The following SCN2A variants were observed in gnomAD, a reference collection of about 807,000 sequenced individuals.
SCN2A encodes the protein sodium voltage-gated channel alpha subunit 2.
A neutral mutation model predicts 188.7 loss-of-function variants in SCN2A; 20 were observed. That is an observed-to-expected ratio of 0.11 (90% CI 0.07 to 0.15). SCN2A has a LOEUF of 0.15. SCN2A is among the 10% of genes least tolerant of loss of function. SCN2A has a pLI of 1.00. For missense variants in SCN2A, 1,278 were observed against 2,445.0 expected (o/e 0.52, Z 10.07); for synonymous variants, 804 against 833.1 (o/e 0.97, Z 0.60).
rs140671638 is a variant in SCN2A at position 165,243,327 on chromosome 2, G to A, written c.-52+3687G>A. 1.1e-4 allele frequency among the ~76,000 whole-genome samples: 17 copies of A among 152,184 alleles called. No homozygotes were observed. In the East Asian group the frequency reaches 2.7e-3, roughly 24 times the overall value. Reference sequence around the variant, plus strand: ...TAGAGAGAGTCAATGTCATGGCCGGGTGCAGTGACTTATGCCTTTACTCCC... The same window carrying A: ...TAGAGAGAGTCAATGTCATGGCCGGATGCAGTGACTTATGCCTTTACTCCC... On this transcript the variant is annotated intron_variant, in intron 1 of 26. Transcript: ENST00000375437.
chr2:165,344,237 A>C (rs556300099), intron 15 of SCN2A, among the ~76,000 whole-genome samples: 18 of 152,210 alleles, frequency 1.2e-4, no homozygotes, highest in Admixed American at 9.2e-4. Context: ...AGTATGGACC[A>C]TTTCAAAATG....
chr2:165,250,414 A>G (rs529138978), intron 1 of SCN2A, among the ~76,000 whole-genome samples: 1 of 152,064 alleles, frequency 6.6e-6, no homozygotes, highest in African/African-American at 2.4e-5. Flanking sequence ...TGATATGGAT[A>G]TAGTATATAG....
At chr2:165,256,878 A>G (rs1694350836) in intron 1 of SCN2A, among the ~76,000 whole-genome samples, 1 of 152,224 alleles carries the variant, frequency 6.6e-6, no homozygotes, top group South Asian at 2.1e-4. Context: ...ATTCTATCAA[A>G]TATTGCTTAT....
chr2:165,265,504 TATATATATATA>T (rs1444475602), intron 1 of SCN2A, among the ~76,000 whole-genome samples: 9 of 129,502 alleles, frequency 6.9e-5, no homozygotes, highest in African/African-American at 1.7e-4. Flanking sequence ...TATATATATA[TATATATATATA>T]TTGCTGTGCA....
At chr2:165,290,149 A>G (rs1258761599) in intron 1 of SCN2A, among the ~76,000 whole-genome samples, 2 of 152,122 alleles carry the variant, frequency 1.3e-5, no homozygotes, top group African/African-American at 4.8e-5. Flanking sequence ...AATACATATA[A>G]CATATACTGA....
chr2:165,277,860 T>C (rs1403840660), intron 1 of SCN2A, among the ~76,000 whole-genome samples: 1 of 152,240 alleles, frequency 6.6e-6, no homozygotes, highest in Non-Finnish European at 1.5e-5. Context: ...ATTTGAAATC[T>C]TCTGTTATTC....
At chr2:165,266,460 G>C (rs986872289) in intron 1 of SCN2A, 2 of 152,076 alleles carry the variant, frequency 1.3e-5, no homozygotes, top group Non-Finnish European at 2.9e-5. Flanking sequence ...AGATGAGTAA[G>C]GGCCGGGAAA....
At chr2:165,353,402 A>T (rs1700029050) in intron 16 of SCN2A, among the ~76,000 whole-genome samples, 2 of 152,206 alleles carry the variant, frequency 1.3e-5, no homozygotes. Flanking sequence ...ATATATTGGG[A>T]TAATTGTTGA....
chr2:165,350,533 C>T (rs1213167756), intron 16 of SCN2A, among the ~76,000 whole-genome samples: 1 of 123,438 alleles, frequency 8.1e-6, no homozygotes, highest in African/African-American at 3.1e-5. Flanking sequence ...AGTGCAGTGG[C>T]GGGATCTCGG....
In SCN2A at chr2:165,388,519, A is replaced by G; in HGVS notation, c.4823-110A>G. On this transcript the variant is annotated intron_variant, in intron 26 of 26. Transcript: ENST00000375437. ...CATTGCAGATTATTTGCATATATACATGTACCTAACTGTCCTGTTCACATT... is the reference window on the plus strand; with the variant it reads ...CATTGCAGATTATTTGCATATATACGTGTACCTAACTGTCCTGTTCACATT... The G allele has an allele frequency of 1.4e-6, 2 of 1,429,984 alleles. 1 individual carries two copies. The highest frequency in any genetic ancestry group is 2.5e-5 in the South Asian group (2 of 80,516). The allele number at this position is 1,429,984 out of a possible 1,614,324, so 88.6% of individuals were successfully genotyped here. A position where few individuals can be genotyped will look rare whatever the true frequency, so the allele number is the denominator to read the frequency against.
At position 165,329,605 on chromosome 2, in the gene SCN2A, A is replaced by C. The variant is rs1486704298; in HGVS notation, c.2150-1725A>C. ...CATTTTTTAAACTTTTCTCCAGTTT[A>C]TTTTTTTTCTATCCAGTTCCTGTTT... On this transcript the variant is annotated intron_variant, in intron 13 of 26. Transcript: ENST00000375437. Among the ~76,000 whole-genome samples the C allele has an allele frequency of 2.0e-5, 3 of 151,996 alleles. No homozygotes were observed. In the South Asian group the frequency reaches 6.2e-4, roughly 32 times the overall value.
chr2:165,284,855 G>C (rs956077031), intron 1 of SCN2A, among the ~76,000 whole-genome samples: 1 of 152,178 alleles, frequency 6.6e-6, no homozygotes, highest in African/African-American at 2.4e-5. Flanking sequence ...TCCTGCTGAT[G>C]AGCCATTTAG....
chr2:165,281,222 A>G (rs1427275580), intron 1 of SCN2A, among the ~76,000 whole-genome samples: 2 of 152,158 alleles, frequency 1.3e-5, no homozygotes, highest in Admixed American at 6.5e-5. Flanking sequence ...CTCTAAAAAA[A>G]TAGATATTTT....
chr2:165,375,002 A>T (rs1438798620), intron 22 of SCN2A, 36 bp downstream of exon 22: 2 of 1,583,660 alleles, frequency 1.3e-6, no homozygotes. Context: ...ATGATGTGTA[A>T]TTAAAATGAG....
Position 165,365,401 on chromosome 2 carries a change from T to G in SCN2A, c.3520+138T>G, listed in dbSNP as rs1298864851. ...TCTATCTATCTATCTATCTATCTAG[T>G]AATCATCTATACCTATCCAACAACT... On this transcript the variant is annotated intron_variant, in intron 18 of 26. Transcript: ENST00000375437. 2.2e-5 allele frequency: 19 copies of G among 861,618 alleles called. No individual in the cohort carries two copies. The East Asian group carries it at 4.1e-4, about 19-fold the overall frequency. 53.4% of individuals were successfully genotyped at this position (861,618 alleles called of 1,614,324 possible).
intron 11 of SCN2A, among the ~76,000 whole-genome samples, chr2:165,317,849 TAAAG>T (rs943771774): frequency 4.0e-5 from 6 of 151,156 alleles, no homozygotes; most frequent in Admixed American, 1.3e-4. Context: ...TTTTGCTTGA[TAAAG>T]AAATAGTCAA....
At chr2:165,355,589 A>C (rs1355351913) in intron 17 of SCN2A, among the ~76,000 whole-genome samples, 2 of 152,168 alleles carry the variant, frequency 1.3e-5, no homozygotes, top group Non-Finnish European at 2.9e-5. Flanking sequence ...TTCCTTCCTC[A>C]TACGAACTGT....
intron 3 of SCN2A, 130 bp from the exon 4 acceptor site, chr2:165,307,718 C>T: frequency 1.4e-6 from 1 of 728,906 alleles, no homozygotes; most frequent in South Asian, 1.6e-5. Flanking sequence ...AAAAAAGGGT[C>T]AATAATAGAA....
intron 25 of SCN2A, among the ~76,000 whole-genome samples, 163 bp downstream of exon 25, chr2:165,381,360 T>C (rs1701592600): frequency 6.6e-6 from 1 of 151,876 alleles, no homozygotes; most frequent in African/African-American, 2.4e-5. Flanking sequence ...GTACTTTACA[T>C]ATATAATATG....
Sources: gnomAD v4.1 joint callset for allele counts (sites outside exome capture counted in the v4.1 genomes callset) on GRCh38, gnomAD v4.1.1 for gene constraint, MANE v1.5 for transcripts, NCBI Gene and HGNC (gene_info 2026-07-23, HGNC 2026-07-21) for gene names.